Variants in IMMP2L observed in about 807,000 individuals in gnomAD.
IMMP2L encodes inner mitochondrial membrane peptidase subunit 2.
IMMP2L carries 18 observed loss-of-function variants against 19.3 expected under a neutral mutation model. That is an observed-to-expected ratio of 0.93 (90% confidence interval 0.64 to 1.38). IMMP2L has a LOEUF of 1.38. IMMP2L is among the 40% of genes most tolerant of loss of function. The pLI, the probability that IMMP2L is intolerant of heterozygous loss-of-function variation, is 0.00. For synonymous variants in IMMP2L, 76 were observed against 73.0 expected (o/e 1.04, Z -0.21); for missense variants, 233 against 218.2 (o/e 1.07, Z -0.43).
intron 5 of IMMP2L, among the ~76,000 whole-genome samples, chr7:110,840,043 C>T (rs909878634): frequency 3.3e-5 from 5 of 152,032 alleles, no homozygotes; most frequent in African/African-American, 4.8e-5. Context: ...GAGAAGAAAA[C>T]GGCAGAACAT....
At chr7:111,559,786 T>A (rs71561743) in intron 1 of IMMP2L, among the ~76,000 whole-genome samples, 2 of 152,010 alleles carry the variant, frequency 1.3e-5, no homozygotes, top group African/African-American at 2.4e-5. Flanking sequence ...ATACTCTTTG[T>A]TCTGTTTTGA....
At chr7:111,395,267 A>AT (rs1466081482) in intron 3 of IMMP2L, among the ~76,000 whole-genome samples, 1 of 151,956 alleles carries the variant, frequency 6.6e-6, no homozygotes, top group Non-Finnish European at 1.5e-5. Context: ...TATATTTTCT[A>AT]TTTTTTCTTC....
At chr7:111,069,541 T>G (rs1269459653) in intron 3 of IMMP2L, among the ~76,000 whole-genome samples, 1 of 152,198 alleles carries the variant, frequency 6.6e-6, no homozygotes, top group South Asian at 2.1e-4. Flanking sequence ...TCTTTACTGC[T>G]ATTTAGAGAT....
At chr7:111,539,218 GA>G (rs1563331064) in intron 1 of IMMP2L, among the ~76,000 whole-genome samples, 1 of 111,966 alleles carries the variant, frequency 8.9e-6, no homozygotes, top group Non-Finnish European at 1.9e-5. Flanking sequence ...AAGAAAGAAA[GA>G]AAGAAAGAAA....
intron 1 of IMMP2L, among the ~76,000 whole-genome samples, chr7:111,524,962 G>T (rs1846701612): frequency 1.3e-5 from 2 of 152,048 alleles, no homozygotes; most frequent in African/African-American, 4.8e-5. Flanking sequence ...TTTACTAACG[G>T]TCTTCCACAA....
At chr7:111,527,788 T>C (rs1320286504) in intron 1 of IMMP2L, among the ~76,000 whole-genome samples, 1 of 152,128 alleles carries the variant, frequency 6.6e-6, no homozygotes. Flanking sequence ...TACCATCGCC[T>C]GCACAACAAA....
At chr7:111,364,655 T>C (rs1024797356) in intron 3 of IMMP2L, among the ~76,000 whole-genome samples, 1 of 148,994 alleles carries the variant, frequency 6.7e-6, no homozygotes, top group Non-Finnish European at 1.5e-5. Context: ...AAAAAAGGAT[T>C]CATGTGAAAT....
At chr7:111,402,049 G>C (rs778521616) in intron 3 of IMMP2L, among the ~76,000 whole-genome samples, 31 of 151,268 alleles carry the variant, frequency 2.0e-4, no homozygotes, top group Non-Finnish European at 3.5e-4. Flanking sequence ...GTTCAAGGCT[G>C]TAGTGAGCTA....
At chr7:110,722,191 C>A (rs182891865) in intron 5 of IMMP2L, among the ~76,000 whole-genome samples, 1 of 151,772 alleles carries the variant, frequency 6.6e-6, no homozygotes, top group South Asian at 2.1e-4. Flanking sequence ...GGGGATGGAG[C>A]GATGAAAAAC....
chr7:111,281,144 AAGACAGAAAGAC>A (rs879276322), intron 3 of IMMP2L, among the ~76,000 whole-genome samples: 30,877 of 84,054 alleles, frequency 0.37, 5,522 homozygotes, highest in East Asian at 0.51. Context: ...GAAAGACAGA[AAGACAGAAAGAC>A]AGAAAGAAAG....
intron 3 of IMMP2L, among the ~76,000 whole-genome samples, chr7:111,069,345 C>A (rs1390984718): frequency 2.0e-5 from 3 of 151,982 alleles, no homozygotes; most frequent in Non-Finnish European, 4.4e-5. Context: ...TGTTAGCTGC[C>A]CTTTGAACTC....
At chr7:111,486,819 C>T (rs905983530) in intron 3 of IMMP2L, among the ~76,000 whole-genome samples, 1 of 152,064 alleles carries the variant, frequency 6.6e-6, no homozygotes, top group Non-Finnish European at 1.5e-5. Flanking sequence ...AGTTAAACTC[C>T]TGATGTACAT....
chr7:110,679,048 T>C (rs547231042), intron 5 of IMMP2L, among the ~76,000 whole-genome samples: 5 of 152,094 alleles, frequency 3.3e-5, no homozygotes, highest in African/African-American at 4.8e-5. Flanking sequence ...CATTTTCAGG[T>C]CACTCCATAG....
At chr7:111,450,115 T>C (rs56361222) in intron 3 of IMMP2L, among the ~76,000 whole-genome samples, 32 of 151,556 alleles carry the variant, frequency 2.1e-4, no homozygotes, top group South Asian at 1.3e-3. Flanking sequence ...GAATCAATAT[T>C]GTGAAAATGG....
intron 3 of IMMP2L, among the ~76,000 whole-genome samples, chr7:111,298,758 C>CAA (rs36095137): frequency 0.39 from 44,795 of 115,680 alleles, 7,878 homozygotes; most frequent in South Asian, 0.64. Flanking sequence ...GACTCTGCCT[C>CAA]AAAAAAAAAA....
intron 3 of IMMP2L, among the ~76,000 whole-genome samples, chr7:111,398,802 C>A (rs1833129983): frequency 1.3e-5 from 2 of 150,394 alleles, no homozygotes; most frequent in South Asian, 2.1e-4. Context: ...TTAATGTACA[C>A]AAATCAGTAG....
chr7:111,122,278 T>C (rs1800741160), intron 3 of IMMP2L: 1 of 152,576 alleles, frequency 6.6e-6, no homozygotes, highest in Non-Finnish European at 1.5e-5. Context: ...CCAAACATAC[T>C]GAAGTACTTA....
intron 3 of IMMP2L, among the ~76,000 whole-genome samples, chr7:111,376,129 GAGT>G (rs1830658747): frequency 6.6e-6 from 1 of 151,980 alleles, no homozygotes; most frequent in Non-Finnish European, 1.5e-5. Flanking sequence ...AAATTATGTA[GAGT>G]AACACTGTGT....
chr7:111,050,559 TG>T (rs1312793316), intron 3 of IMMP2L, among the ~76,000 whole-genome samples: 1 of 152,234 alleles, frequency 6.6e-6, no homozygotes, highest in African/African-American at 2.4e-5. Flanking sequence ...ACATCTTTTT[TG>T]CTGCTTTTTG....
Sources: allele counts gnomAD v4.1 joint callset (sites outside exome capture counted in the v4.1 genomes callset), GRCh38; gene constraint gnomAD v4.1.1; transcripts MANE v1.5; gene names NCBI Gene and HGNC (gene_info 2026-07-23, HGNC 2026-07-21).